CSF1R: variants seen among roughly 807,000 people sequenced by gnomAD.
CSF1R encodes the protein macrophage colony-stimulating factor 1 receptor.
Under a neutral mutation model 110.0 loss-of-function variants are expected in CSF1R, and 40 were observed. The ratio of observed to expected loss-of-function variants is 0.36; its 90% CI spans 0.28 to 0.47. The LOEUF (loss-of-function observed/expected upper bound fraction) is 0.47. Among genes scored for constraint, CSF1R ranks in the 20% least tolerant of loss-of-function variants. The pLI is 0.99. For synonymous variants in CSF1R, 523 were observed against 503.4 expected, an observed-to-expected ratio of 1.04 and a Z score of -0.52; for missense variants, 1,052 against 1,253.0, an observed-to-expected ratio of 0.84 and a Z score of 2.42.
At chr5:150,060,415 G>C (rs139439464) in intron 13 of CSF1R, among the ~76,000 whole-genome samples, 2 of 152,044 alleles carry the variant, frequency 1.3e-5, no homozygotes, top group African/African-American at 4.8e-5. Flanking sequence ...AAGCTATGGC[G>C]GCTCACTGTA....
chr5:150,086,490 C>T lies in CSF1R; in HGVS notation c.-63G>A. ...CAAGGTGCCCAGGGCACAGAGCTCT[C>T]AGCTACTAGCTCCGCAGGGATCGGG... On this transcript the variant is annotated 5_prime_UTR_variant, in exon 1 of 21. Transcript: ENST00000675795. The T allele has an allele frequency of 1.3e-6, 2 of 1,503,084 alleles. No homozygotes were observed. The highest frequency in any genetic ancestry group is 4.7e-5 in the East Asian group (2 of 42,934). The allele number at this position is 1,503,084 out of a possible 1,614,324, so 93.1% of individuals were successfully genotyped here.
In CSF1R at chr5:150,073,449, C is replaced by T; in HGVS notation, c.934G>A (p.Glu312Lys). 6.2e-7 allele frequency: 1 copy of T among 1,614,130 alleles called. No individual in the cohort carries two copies. Among genetic ancestry groups the T allele is most frequent in the Non-Finnish European group, 8.5e-7 (1 of 1,180,014 alleles). Residue 312 changes from glutamate to lysine, a missense_variant, in exon 6 of 21, where the codon GAG becomes AAG. Coordinates refer to ENST00000675795, the MANE Select transcript of CSF1R (RefSeq NM_001288705.3). ...TTGAGCCCCTCCCCCACGGTCACCT[C>T]CTGGATGAGGTTCTGCTCAGAGCTC... ...NLSSEQNLIQ[E>K]VTVGEGLNLK...
intron 1 of CSF1R, among the ~76,000 whole-genome samples, chr5:150,111,470 A>G (rs928970263): frequency 2.0e-5 from 3 of 152,234 alleles, no homozygotes; most frequent in African/African-American, 7.2e-5. Flanking sequence ...AAGCCCTCCC[A>G]CAAATGAGTT....
At position 150,077,374 on chromosome 5, in the gene CSF1R, T is replaced by A. The variant is rs2113824565; in HGVS notation, c.791A>T (p.Asn264Ile). The A allele has an allele frequency of 6.2e-7, 1 of 1,614,018 alleles. No individual in the cohort carries two copies. The highest frequency in any genetic ancestry group is 8.5e-7 in the Non-Finnish European group (1 of 1,179,988). The stretch of plus-strand genomic sequence containing the variant: ...ATGTTGGAAATCTACTTGATCGAGG[T>A]TGAGGGTCAGGACTTTTTGGTAACG... ...NNRYQKVLTL[N>I]LDQVDFQHAG... The change falls in exon 5 of 21, where the codon AAC becomes ATC. Residue 264 changes from asparagine to isoleucine, a missense_variant. Coordinates refer to ENST00000675795, the MANE Select transcript of CSF1R (RefSeq NM_001288705.3).
chr5:150,107,973 G>A (rs1759602829), intron 1 of CSF1R, among the ~76,000 whole-genome samples: 2 of 152,186 alleles, frequency 1.3e-5, no homozygotes, highest in Non-Finnish European at 2.9e-5. Context: ...GAGGAACCAG[G>A]CCACTGGGGG....
intron 5 of CSF1R, among the ~76,000 whole-genome samples, chr5:150,074,997 G>C (rs1758202396): frequency 6.6e-6 from 1 of 152,094 alleles, no homozygotes; most frequent in Non-Finnish European, 1.5e-5. Context: ...TATCCTTTAA[G>C]ATTCACCCCC....
intron 1 of CSF1R, among the ~76,000 whole-genome samples, chr5:150,104,470 C>T (rs1759489329): frequency 1.3e-5 from 2 of 152,268 alleles, no homozygotes; most frequent in African/African-American, 4.8e-5. Context: ...TATTATGCAT[C>T]CCAGGCCTTT....
chr5:150,083,938 T>C (rs1484381282), intron 1 of CSF1R, among the ~76,000 whole-genome samples: 2 of 152,164 alleles, frequency 1.3e-5, no homozygotes, highest in African/African-American at 4.8e-5. Context: ...CCTTTAAATA[T>C]TAAAGCCCTC....
At chr5:150,061,316 C>T (rs1343263844) in intron 12 of CSF1R, among the ~76,000 whole-genome samples, 175 bp downstream of exon 12, 1 of 152,134 alleles carries the variant, frequency 6.6e-6, no homozygotes, top group Non-Finnish European at 1.5e-5. Flanking sequence ...TTCTTGGAGC[C>T]GGGAGTCAGA....
chr5:150,065,851 G>T (rs547704118), intron 10 of CSF1R, among the ~76,000 whole-genome samples: 2 of 152,340 alleles, frequency 1.3e-5, no homozygotes, highest in African/African-American at 4.8e-5. Context: ...GGGATACAGA[G>T]TTCCTAAACC....
chr5:150,061,018 A>G (rs1285630723), intron 12 of CSF1R, 46 bp from the exon 13 acceptor site: 2 of 1,358,680 alleles, frequency 1.5e-6, no homozygotes, highest in South Asian at 2.5e-5. Flanking sequence ...AGGGCAGGAC[A>G]GAGAGCACCA....
At chr5:150,105,572 G>C (rs1178624292) in intron 1 of CSF1R, among the ~76,000 whole-genome samples, 2 of 151,692 alleles carry the variant, frequency 1.3e-5, no homozygotes, top group Non-Finnish European at 2.9e-5. Context: ...TGCCAGGCTA[G>C]AGTACAGTGT....
intron 1 of CSF1R, among the ~76,000 whole-genome samples, chr5:150,107,231 G>T (rs1759583504): frequency 6.6e-6 from 1 of 152,376 alleles, no homozygotes; most frequent in Non-Finnish European, 1.5e-5. Flanking sequence ...TTTCCTGCAT[G>T]CAGGGACCTC....
chr5:150,110,912 G>GTTTT (rs67908809), intron 1 of CSF1R, among the ~76,000 whole-genome samples: 4 of 144,674 alleles, frequency 2.8e-5, no homozygotes, highest in African/African-American at 2.5e-5. Context: ...GTATCAAGTA[G>GTTTT]TTTTTTTTTT....
At chr5:150,056,748 C>A (rs767046627) in intron 16 of CSF1R, among the ~76,000 whole-genome samples, 11 of 152,116 alleles carry the variant, frequency 7.2e-5, no homozygotes, top group Non-Finnish European at 7.4e-5. Context: ...TTTCAACAAT[C>A]GTTATGCCCA....
At chr5:150,098,097 A>G (rs1240418480) in intron 1 of CSF1R, among the ~76,000 whole-genome samples, 2 of 152,218 alleles carry the variant, frequency 1.3e-5, no homozygotes, top group African/African-American at 4.8e-5. Flanking sequence ...TATGTGGCCA[A>G]TTGATTTTTG....
intron 1 of CSF1R, among the ~76,000 whole-genome samples, chr5:150,082,443 A>T (rs1758594247): frequency 6.6e-6 from 1 of 152,232 alleles, no homozygotes; most frequent in Admixed American, 6.5e-5. Flanking sequence ...TGATCAGCAA[A>T]CGAGATTGAG....
In CSF1R at chr5:150,056,326, C is replaced by T. The variant is rs768825118; in HGVS notation, c.2335G>A (p.Val779Met). The change falls in exon 17 of 21, where the codon GTG becomes ATG. Residue 779 changes from valine to methionine, a missense_variant. By Grantham distance (21) the Val-to-Met change is conservative. Transcript: ENST00000675795. ...LASKNCIHRD[V>M]AARNVLLTNG... ...GTCAACAGCACGTTACGCGCTGCCACGTCCCGGTGGATGCACTGAGGGAAA... is the reference window on the plus strand; with the variant it reads ...GTCAACAGCACGTTACGCGCTGCCATGTCCCGGTGGATGCACTGAGGGAAA... 1 of 1,614,204 alleles carries T rather than the reference C, an allele frequency of 6.2e-7. No individual in the cohort carries two copies. The highest frequency in any genetic ancestry group is 8.5e-7 in the Non-Finnish European group (1 of 1,180,042).
chr5:150,054,950 C>T (rs909600842), intron 19 of CSF1R: 22 of 363,192 alleles, frequency 6.1e-5, no homozygotes, highest in African/African-American at 3.9e-4. Flanking sequence ...TGATTGCACA[C>T]ATCACTGCGC....
Sources: gnomAD v4.1 joint callset for allele counts (sites outside exome capture counted in the v4.1 genomes callset) on GRCh38, gnomAD v4.1.1 for gene constraint, MANE v1.5 for transcripts, NCBI Gene and HGNC (gene_info 2026-07-23, HGNC 2026-07-21) for gene names.